Variants in ATP8A2 observed in about 807,000 individuals in gnomAD.
ATP8A2 encodes the protein ATPase phospholipid transporting 8A2, also known as phospholipid-transporting ATPase IB.
Under a neutral mutation model 165.6 loss-of-function variants are expected in ATP8A2, and 100 were observed. That is an observed-to-expected ratio of 0.60 (90% CI 0.51 to 0.71). The LOEUF is 0.71. ATP8A2 is among the 30% of genes least tolerant of loss of function. The pLI is 0.00. For synonymous variants in ATP8A2, 543 were observed against 548.8 expected, an observed-to-expected ratio of 0.99 and a Z score of 0.15; for missense variants, 1,227 against 1,479.5, an observed-to-expected ratio of 0.83 and a Z score of 2.80.
chr13:25,774,710 A>C, intron 26 of ATP8A2, 139 bp from the exon 27 acceptor site: 1 of 559,140 alleles, frequency 1.8e-6, no homozygotes, highest in Admixed American at 3.4e-5. Flanking sequence ...CTGTCTTCAG[A>C]GAATGGTTTT....
chr13:25,745,903 T>C (rs7326938), intron 25 of ATP8A2, among the ~76,000 whole-genome samples: 53,966 of 152,008 alleles, frequency 0.36, 10,014 homozygotes, highest in East Asian at 0.49. Context: ...AGAAACTGTG[T>C]CAGGATACAT....
intron 28 of ATP8A2, among the ~76,000 whole-genome samples, chr13:25,836,722 G>A (rs1199625246): frequency 1.3e-5 from 2 of 152,078 alleles, no homozygotes; most frequent in African/African-American, 4.8e-5. Flanking sequence ...TTTGTTTATT[G>A]TAAATGTCTG....
At chr13:25,447,012 C>T (rs2035087980) in intron 1 of ATP8A2, among the ~76,000 whole-genome samples, 1 of 152,144 alleles carries the variant, frequency 6.6e-6, no homozygotes, top group South Asian at 2.1e-4. Flanking sequence ...TGAACCACCA[C>T]ACCTGGCCTT....
intron 24 of ATP8A2, among the ~76,000 whole-genome samples, chr13:25,697,969 C>A (rs1245828480): frequency 1.3e-5 from 2 of 152,158 alleles, no homozygotes; most frequent in Non-Finnish European, 2.9e-5. Flanking sequence ...AGTAGCTGAT[C>A]CTCAATTTTA....
At chr13:25,614,675 T>G (rs2040775829) in intron 24 of ATP8A2, among the ~76,000 whole-genome samples, 1 of 152,176 alleles carries the variant, frequency 6.6e-6, no homozygotes, top group Admixed American at 6.5e-5. Flanking sequence ...CTGTTCAGAT[T>G]CTTTTGTCCC....
At chr13:25,817,353 G>GC (rs1491388990) in intron 27 of ATP8A2, among the ~76,000 whole-genome samples, 1 of 74,492 alleles carries the variant, frequency 1.3e-5, no homozygotes, top group Non-Finnish European at 3.4e-5. Context: ...TCTTTTATGG[G>GC]GGGGGGGGGA....
At chr13:25,903,727 T>C (rs1953840446) in intron 33 of ATP8A2, among the ~76,000 whole-genome samples, 1 of 152,214 alleles carries the variant, frequency 6.6e-6, no homozygotes, top group Non-Finnish European at 1.5e-5. Context: ...ACTCAGATCC[T>C]CAGCACTGCC....
chr13:25,735,390 G>T (rs1299624954), intron 25 of ATP8A2, among the ~76,000 whole-genome samples: 1 of 152,048 alleles, frequency 6.6e-6, no homozygotes, highest in Non-Finnish European at 1.5e-5. Flanking sequence ...CTCTCAATTA[G>T]CTGGGACCAC....
intron 33 of ATP8A2, among the ~76,000 whole-genome samples, chr13:25,921,464 A>G (rs1954452978): frequency 6.6e-6 from 1 of 150,950 alleles, no homozygotes; most frequent in Non-Finnish European, 1.5e-5. Flanking sequence ...AAAAATACAA[A>G]AAAAAAAAAA....
chr13:25,620,621 T>C (rs74041043), intron 24 of ATP8A2, among the ~76,000 whole-genome samples: 422 of 152,328 alleles, frequency 2.8e-3, no homozygotes, highest in African/African-American at 9.8e-3. Context: ...ACTTGAAATA[T>C]AATACAATTG....
intron 24 of ATP8A2, among the ~76,000 whole-genome samples, chr13:25,642,642 T>C (rs1284458082): frequency 6.6e-6 from 1 of 152,180 alleles, no homozygotes; most frequent in Non-Finnish European, 1.5e-5. Context: ...TACACTGTTG[T>C]TGTTACTGTA....
In ATP8A2 at chr13:25,598,120, A is replaced by G. The variant is rs191857650; in HGVS notation, c.2211+8421A>G. ...TCTAGTGTTTACAGCATCATTTGTG[A>G]AAAATACTACTACTTCATCATTGAA... On this transcript the variant is annotated intron_variant, in intron 24 of 36. Coordinates refer to ENST00000381655, the MANE Select transcript of ATP8A2 (RefSeq NM_016529.6). 1.5e-3 allele frequency among the ~76,000 whole-genome samples: 223 copies of G among 152,292 alleles called. 3 individuals carry two copies. Among genetic ancestry groups the G allele is most frequent in the Non-Finnish European group, 7.2e-4 (49 of 68,044 alleles).
chr13:25,448,514 G>A (rs898894668), intron 1 of ATP8A2, among the ~76,000 whole-genome samples: 12 of 152,122 alleles, frequency 7.9e-5, no homozygotes, highest in African/African-American at 2.7e-4. Context: ...TGGGGGAAAT[G>A]GTGTCATATT....
chr13:25,440,561 T>C (rs990981097), intron 1 of ATP8A2, among the ~76,000 whole-genome samples: 1 of 152,146 alleles, frequency 6.6e-6, no homozygotes, highest in Non-Finnish European at 1.5e-5. Context: ...GTTGTCTTCA[T>C]GTAAAGGGTG....
chr13:25,994,468 A>G (rs1271826609), intron 35 of ATP8A2, among the ~76,000 whole-genome samples: 3 of 152,140 alleles, frequency 2.0e-5, no homozygotes, highest in Non-Finnish European at 2.9e-5. Context: ...TTTGGGAGAA[A>G]TCATTCAACT....
chr13:25,716,657 T>G (rs3117863), intron 25 of ATP8A2, among the ~76,000 whole-genome samples: 111,496 of 151,996 alleles, frequency 0.73, 41,311 homozygotes, highest in African/African-American at 0.79. Context: ...TTTAAAGGAG[T>G]AGCGATGAGA....
intron 35 of ATP8A2, among the ~76,000 whole-genome samples, chr13:25,972,267 ATAAAGT>A (rs1450419183): frequency 3.9e-5 from 6 of 152,270 alleles, no homozygotes; most frequent in Admixed American, 3.3e-4. Context: ...TACTATTTTG[ATAAAGT>A]TAAATTTTCA....
chr13:25,683,190 A>G (rs2042530740), intron 24 of ATP8A2, among the ~76,000 whole-genome samples: 1 of 152,182 alleles, frequency 6.6e-6, no homozygotes, highest in Non-Finnish European at 1.5e-5. Flanking sequence ...AACAACTTGG[A>G]AGGAGGGGCC....
chr13:25,945,765 G>A (rs1171220188), intron 33 of ATP8A2, among the ~76,000 whole-genome samples: 1 of 152,162 alleles, frequency 6.6e-6, no homozygotes, highest in African/African-American at 2.4e-5. Context: ...GCTCCGGGAA[G>A]GCTGCCTGAG....
Sources: gnomAD v4.1 joint callset for allele counts (sites outside exome capture counted in the v4.1 genomes callset) on GRCh38, gnomAD v4.1.1 for gene constraint, MANE v1.5 for transcripts, NCBI Gene and HGNC (gene_info 2026-07-23, HGNC 2026-07-21) for gene names.